Variants in SPOCK1 observed in about 807,000 individuals in gnomAD.
SPOCK1 encodes the protein SPARC (osteonectin), cwcv and kazal like domains proteoglycan 1, also known as testican-1.
Under a neutral mutation model 55.3 loss-of-function variants are expected in SPOCK1, and 23 were observed. The observed-to-expected ratio is 0.42, with a 90% CI of 0.30 to 0.59. The LOEUF is 0.59. SPOCK1 is among the 20% of genes least tolerant of loss of function. The pLI, the probability that SPOCK1 is intolerant of heterozygous loss-of-function variation, is 0.22. For missense variants in SPOCK1, 499 were observed against 552.5 expected, an observed-to-expected ratio of 0.90 and a Z score of 0.97; for synonymous variants, 226 against 221.0, an observed-to-expected ratio of 1.02 and a Z score of -0.20.
intron 4 of SPOCK1, among the ~76,000 whole-genome samples, chr5:137,127,777 T>C (rs1753804427): frequency 6.6e-6 from 1 of 152,262 alleles, no homozygotes; most frequent in African/African-American, 2.4e-5. Context: ...GGTTCACAGC[T>C]GGAGAGCAAT....
rs1362533589 is a variant in SPOCK1 at position 137,432,187 on chromosome 5, A to C, written c.186+66186T>G. 4.6e-5 allele frequency among the ~76,000 whole-genome samples: 7 copies of C among 152,302 alleles called. No individual in the cohort carries two copies. The South Asian group carries it at 1.0e-3, about 23-fold the overall frequency. ...AAAATGATGCAGCTGCTATGGAAAA[A>C]CAGCACTGAGGTTCCTCAAAAAGAT... On this transcript the variant is annotated intron_variant, in intron 2 of 10. Transcript: ENST00000394945.
At chr5:137,225,858 A>T (rs1470826016) in intron 3 of SPOCK1, among the ~76,000 whole-genome samples, 1 of 152,250 alleles carries the variant, frequency 6.6e-6, no homozygotes, top group African/African-American at 2.4e-5. Flanking sequence ...GAATATGTGG[A>T]AACAAAAGCC....
chr5:136,980,350 C>CAAT (rs1285679122), intron 9 of SPOCK1, among the ~76,000 whole-genome samples: 1 of 152,094 alleles, frequency 6.6e-6, no homozygotes, highest in Non-Finnish European at 1.5e-5. Flanking sequence ...ATACTTTTAA[C>CAAT]AAGATGGATT....
intron 6 of SPOCK1, among the ~76,000 whole-genome samples, chr5:137,028,448 T>A (rs948031113): frequency 2.6e-5 from 4 of 152,192 alleles, no homozygotes; most frequent in African/African-American, 9.6e-5. Flanking sequence ...TACCAATATG[T>A]TCAGTGGCCT....
At chr5:137,340,637 T>C (rs935496225) in intron 2 of SPOCK1, among the ~76,000 whole-genome samples, 7 of 152,092 alleles carry the variant, frequency 4.6e-5, no homozygotes, top group African/African-American at 1.7e-4. Context: ...TCCCAGCACT[T>C]TGGGAGGCCG....
At chr5:137,114,154 C>T (rs142701221) in intron 4 of SPOCK1, among the ~76,000 whole-genome samples, 1 of 152,308 alleles carries the variant, frequency 6.6e-6, no homozygotes, top group African/African-American at 2.4e-5. Context: ...GGGCAGGCCA[C>T]AGGGCTGAGC....
At chr5:137,280,813 C>T (rs1023092435) in intron 2 of SPOCK1, among the ~76,000 whole-genome samples, 2 of 152,110 alleles carry the variant, frequency 1.3e-5, no homozygotes, top group Non-Finnish European at 2.9e-5. Context: ...ACTAAAGATG[C>T]CACAGTGATT....
At chr5:137,289,662 C>T (rs573755973) in intron 2 of SPOCK1, among the ~76,000 whole-genome samples, 10 of 152,018 alleles carry the variant, frequency 6.6e-5, no homozygotes, top group East Asian at 5.8e-4. Context: ...AAAATGCATA[C>T]GGGAATGAGC....
At chr5:137,293,733 T>C (rs1488952194) in intron 2 of SPOCK1, among the ~76,000 whole-genome samples, 3 of 152,226 alleles carry the variant, frequency 2.0e-5, no homozygotes, top group African/African-American at 4.8e-5. Context: ...CTTTCAACGA[T>C]GCACCGGGCG....
rs1438289418 is a variant in SPOCK1, at chr5:137,111,654, G to A, written c.474+781C>T. Among the ~76,000 whole-genome samples the A allele has an allele frequency of 3.3e-5, 5 of 152,218 alleles. No individual in the cohort carries two copies. The East Asian group carries it at 9.7e-4, about 29-fold the overall frequency. On this transcript the variant is annotated intron_variant, in intron 5 of 10. Transcript: ENST00000394945. ...CACAAATGGCCATACTTCACCCAAG[G>A]AGAGTTCCAAGAACAAATTATCACC...
intron 2 of SPOCK1, among the ~76,000 whole-genome samples, chr5:137,473,411 G>A (rs1014380698): frequency 3.9e-5 from 6 of 152,108 alleles, no homozygotes; most frequent in Admixed American, 3.3e-4. Flanking sequence ...AAAAACATAC[G>A]AATATACATC....
chr5:137,220,700 G>A (rs1290277561), intron 3 of SPOCK1, among the ~76,000 whole-genome samples: 1 of 152,176 alleles, frequency 6.6e-6, no homozygotes, highest in African/African-American at 2.4e-5. Context: ...TGTTTCGTCA[G>A]CACCTTAGAT....
chr5:137,148,253 A>G (rs553242295), intron 3 of SPOCK1, among the ~76,000 whole-genome samples: 1 of 152,298 alleles, frequency 6.6e-6, no homozygotes, highest in South Asian at 2.1e-4. Flanking sequence ...AGTGTCTGGG[A>G]ATTGCTTGGC....
chr5:137,440,449 C>A (rs1389030649), intron 2 of SPOCK1, among the ~76,000 whole-genome samples: 1 of 152,108 alleles, frequency 6.6e-6, no homozygotes, highest in Non-Finnish European at 1.5e-5. Flanking sequence ...AAGAGCAAAG[C>A]CAAGAGCTAC....
intron 2 of SPOCK1, among the ~76,000 whole-genome samples, chr5:137,276,555 G>C (rs1757071932): frequency 6.6e-6 from 1 of 152,198 alleles, no homozygotes; most frequent in Non-Finnish European, 1.5e-5. Context: ...TTGGCACCAG[G>C]TACTCTAACA....
At chr5:137,037,839 AG>A (rs1018110955) in intron 6 of SPOCK1, among the ~76,000 whole-genome samples, 9 of 152,358 alleles carry the variant, frequency 5.9e-5, no homozygotes, top group African/African-American at 2.2e-4. Context: ...GAGGTGACCC[AG>A]GGGTGCTGGT....
At chr5:137,342,890 G>T (rs529846402) in intron 2 of SPOCK1, among the ~76,000 whole-genome samples, 3 of 152,328 alleles carry the variant, frequency 2.0e-5, no homozygotes, top group Non-Finnish European at 4.4e-5. Context: ...CCTTTCAGAA[G>T]TACAATATCT....
chr5:137,449,065 A>T lies in SPOCK1; in HGVS notation c.186+49308T>A, dbSNP rs1753194149. 2.0e-5 allele frequency among the ~76,000 whole-genome samples: 3 copies of T among 152,248 alleles called. No individual in the cohort carries two copies. In the South Asian group the frequency reaches 6.2e-4, roughly 31 times the overall value. On this transcript the variant is annotated intron_variant, in intron 2 of 10. Coordinates refer to ENST00000394945, the MANE Select transcript of SPOCK1 (RefSeq NM_004598.4). ...CCCTCAGGCCCTGCTTCAAGGCATCAGAACTGCTAAGAAGCCAGGAAGGAG... is the reference window on the plus strand; with the variant it reads ...CCCTCAGGCCCTGCTTCAAGGCATCTGAACTGCTAAGAAGCCAGGAAGGAG...
chr5:137,148,536 C>T (rs1004223223), intron 3 of SPOCK1, among the ~76,000 whole-genome samples: 1 of 152,030 alleles, frequency 6.6e-6, no homozygotes. Flanking sequence ...AATTGATTTC[C>T]CTTTGAAAGT....
Sources: gnomAD v4.1 joint callset for allele counts (sites outside exome capture counted in the v4.1 genomes callset) on GRCh38, gnomAD v4.1.1 for gene constraint, MANE v1.5 for transcripts, NCBI Gene and HGNC (gene_info 2026-07-23, HGNC 2026-07-21) for gene names.